RASGRP2: variants seen among roughly 807,000 people sequenced by gnomAD.
The protein encoded by RASGRP2 is RAS guanyl-releasing protein 2.
Under a neutral mutation model 71.0 loss-of-function variants are expected in RASGRP2, and 44 were observed. The ratio of observed to expected loss-of-function variants is 0.62; its 90% CI spans 0.49 to 0.80. RASGRP2 has a LOEUF of 0.80. RASGRP2 is among the 30% of genes least tolerant of loss of function. The probability of loss-of-function intolerance (pLI) is 0.00; values close to 1 mark genes in which losing one functional copy is unlikely to be tolerated. For synonymous variants in RASGRP2, 350 were observed against 330.7 expected, an observed-to-expected ratio of 1.06 and a Z score of -0.63; for missense variants, 663 against 813.4, an observed-to-expected ratio of 0.82 and a Z score of 2.25.
chr11:64,743,101 C>T lies in RASGRP2; in HGVS notation c.-71-164G>A. On this transcript the variant is annotated intron_variant, in intron 1 of 16. Transcript: ENST00000394432. The surrounding 1 kb of genome is among the most constrained non-coding windows in gnomAD (Gnocchi z 4.9). ...ACGGTCTGGCCCGGGATGGTGCAACCCGCCAGTTGGGAAACGGACCCGCAG... is the reference window on the plus strand; with the variant it reads ...ACGGTCTGGCCCGGGATGGTGCAACTCGCCAGTTGGGAAACGGACCCGCAG... The T allele has an allele frequency of 1.2e-6, 1 of 806,520 alleles. No homozygotes were observed. The highest frequency in any genetic ancestry group is 2.1e-6 in the Non-Finnish European group (1 of 485,494). 50.0% of individuals were successfully genotyped at this position (806,520 alleles called of 1,614,324 possible).
At chr11:64,729,941 C>A (rs1340421590) in intron 13 of RASGRP2, 112 bp downstream of exon 13, 8 of 1,536,210 alleles carry the variant, frequency 5.2e-6, no homozygotes, top group Non-Finnish European at 7.1e-6. Context: ...AATAGAATTA[C>A]CAGGTTTTCC....
intron 14 of RASGRP2, among the ~76,000 whole-genome samples, chr11:64,729,413 T>C (rs935756708): frequency 6.6e-6 from 1 of 151,682 alleles, no homozygotes; most frequent in Non-Finnish European, 1.5e-5. Flanking sequence ...CTCGGCTCAC[T>C]GCAAACCCCG....
chr11:64,737,539 G>A (rs995382801), intron 8 of RASGRP2, among the ~76,000 whole-genome samples: 2 of 152,000 alleles, frequency 1.3e-5, no homozygotes, highest in African/African-American at 4.8e-5. Flanking sequence ...GGGTGTGGTG[G>A]TGCATGCCTG....
At chr11:64,738,795 C>CA (rs560584764) in intron 8 of RASGRP2, among the ~76,000 whole-genome samples, 113 of 151,614 alleles carry the variant, frequency 7.5e-4, no homozygotes, top group African/African-American at 2.7e-3. Flanking sequence ...CAAAATACTT[C>CA]AAAAATAATA....
rs1719726526 is a variant in RASGRP2 at position 64,742,939 on chromosome 11, TGTC to T, written c.-71-5_-71-3del. On this transcript the variant is annotated splice_region_variant and splice_polypyrimidine_tract_variant and intron_variant, in intron 1 of 16. Transcript: ENST00000394432. The surrounding 1 kb of genome is among the most constrained non-coding windows in gnomAD (Gnocchi z 4.7). Reference sequence around the variant, plus strand: ...TCCCACCGGGCTCGGACCGAACCCCTGTCCCGGGAGAGGCAGAGCGGGAGTCTG... The same window carrying T: ...TCCCACCGGGCTCGGACCGAACCCCTCCGGGAGAGGCAGAGCGGGAGTCTG... 3 of 1,532,200 alleles carry T rather than the reference TGTC, an allele frequency of 2.0e-6. No homozygotes were observed. Among genetic ancestry groups the T allele is most frequent in the Non-Finnish European group, 2.6e-6 (3 of 1,144,342 alleles). 94.9% of individuals were successfully genotyped at this position (1,532,200 alleles called of 1,614,324 possible).
intron 5 of RASGRP2, chr11:64,740,564 A>G (rs1480534327): frequency 1.5e-6 from 1 of 654,750 alleles, no homozygotes; most frequent in Non-Finnish European, 2.9e-6. Flanking sequence ...GGAACGACAA[A>G]TTCTACCCCG....
intron 12 of RASGRP2, among the ~76,000 whole-genome samples, 161 bp downstream of exon 12, chr11:64,734,951 C>G (rs948624368): frequency 6.6e-6 from 1 of 152,156 alleles, no homozygotes; most frequent in Non-Finnish European, 1.5e-5. Flanking sequence ...CAGCTGGCAG[C>G]CTCTCCTCCC....
chr11:64,730,501 G>A (rs1286000515), intron 12 of RASGRP2, among the ~76,000 whole-genome samples: 1 of 152,192 alleles, frequency 6.6e-6, no homozygotes, highest in East Asian at 1.9e-4. Flanking sequence ...CATCAGCCTC[G>A]GGCTCCCGAA....
intron 12 of RASGRP2, among the ~76,000 whole-genome samples, chr11:64,731,127 C>T (rs150690601): frequency 1.8e-3 from 270 of 152,282 alleles, no homozygotes; most frequent in African/African-American, 5.7e-3. Context: ...GAGGCCAAGG[C>T]GGGTGGATCA....
intron 14 of RASGRP2, 29 bp downstream of exon 14, chr11:64,729,733 C>T: frequency 6.2e-7 from 1 of 1,612,972 alleles, no homozygotes; most frequent in Non-Finnish European, 8.5e-7. Context: ...AAACACTGCC[C>T]AGCAGCCCTT....
chr11:64,742,834 G>A lies in RASGRP2; in HGVS notation c.33C>T (p.Cys11=). MAGTLDLDKG[C]TVEELLRGCI... ...ACCCGCGGAGCAGCTCCTCCACCGT[G>A]CAGCCCTTGTCCAGGTCCAGGGTGC... The change falls in exon 2 of 17, where the codon TGC becomes TGT. Residue 11 remains cysteine (C), a synonymous_variant. Transcript: ENST00000394432. The surrounding 1 kb of genome is among the most constrained non-coding windows in gnomAD (Gnocchi z 4.7). 1 of 1,607,080 alleles carries A rather than the reference G, an allele frequency of 6.2e-7. No individual in the cohort carries two copies. Among genetic ancestry groups the A allele is most frequent in the Non-Finnish European group, 8.5e-7 (1 of 1,178,114 alleles).
chr11:64,738,392 AGT>A (rs2058017242), intron 8 of RASGRP2, among the ~76,000 whole-genome samples: 1 of 152,108 alleles, frequency 6.6e-6, no homozygotes, highest in Non-Finnish European at 1.5e-5. Context: ...GTAGTTACAC[AGT>A]GTTTTCTTTA....
chr11:64,739,853 CCTCA>C lies in RASGRP2; in HGVS notation c.523-48_523-45del. The C allele has an allele frequency of 6.2e-7, 1 of 1,611,530 alleles. No homozygotes were observed. Among genetic ancestry groups the C allele is most frequent in the South Asian group, 1.1e-5 (1 of 91,012 alleles). On this transcript the variant is annotated intron_variant, in intron 6 of 16. Transcript: ENST00000394432. The surrounding 1 kb of genome is among the most constrained non-coding windows in gnomAD (Gnocchi z 4.2). The stretch of plus-strand genomic sequence containing the variant: ...GCCTCAGCACCTTGCTGGCCTCTCC[CCTCA>C]CTGATAGCCACTCCTCACCCTCCAG...
rs576052772 is a variant in RASGRP2, at chr11:64,741,689, G to C, written c.177-188C>G. Among the ~76,000 whole-genome samples the C allele has an allele frequency of 7.9e-5, 12 of 152,314 alleles. No individual in the cohort carries two copies. The East Asian group carries it at 2.3e-3, about 29-fold the overall frequency. Reference sequence around the variant, plus strand: ...TGGGGGTGGAGGACTAGGTGCTGAGGGAGGCTGAAAGCAAAGCCTGGGCTC... The same window carrying C: ...TGGGGGTGGAGGACTAGGTGCTGAGCGAGGCTGAAAGCAAAGCCTGGGCTC... On this transcript the variant is annotated intron_variant, in intron 3 of 16. Coordinates refer to ENST00000394432, the MANE Select transcript of RASGRP2 (RefSeq NM_001098671.2).
In RASGRP2 at chr11:64,742,459, C is replaced by G. The variant is rs1196328936; in HGVS notation, c.73+335G>C. 1 of 561,348 alleles carries G rather than the reference C, an allele frequency of 1.8e-6. No individual in the cohort carries two copies. The highest frequency in any genetic ancestry group is 3.0e-5 in the East Asian group (1 of 32,874). 34.8% of individuals were successfully genotyped at this position (561,348 alleles called of 1,614,324 possible). ...GGGCACCCCTTCACCAGATAAGCCG[C>G]CCCCCATTAGCCGGAAACAGCTCCC... is the stretch of plus-strand genomic sequence containing the variant. On this transcript the variant is annotated intron_variant, in intron 2 of 16. Coordinates refer to ENST00000394432, the MANE Select transcript of RASGRP2 (RefSeq NM_001098671.2). The surrounding 1 kb of genome is among the most constrained non-coding windows in gnomAD (Gnocchi z 4.7).
Position 64,739,943 on chromosome 11 carries a change from G to A in RASGRP2, c.522+70C>T. On this transcript the variant is annotated intron_variant, in intron 6 of 16. Coordinates refer to ENST00000394432, the MANE Select transcript of RASGRP2 (RefSeq NM_001098671.2). The surrounding 1 kb of genome is among the most constrained non-coding windows in gnomAD (Gnocchi z 4.2). ...ACCCTGTGACCCAGCCTACGCCAGGGACCCTGCCCCTCCTAGAACTCTCTT... is the reference window on the plus strand; with the variant it reads ...ACCCTGTGACCCAGCCTACGCCAGGAACCCTGCCCCTCCTAGAACTCTCTT... 1 of 1,611,738 alleles carries A rather than the reference G, an allele frequency of 6.2e-7. No individual in the cohort carries two copies. The highest frequency in any genetic ancestry group is 8.5e-7 in the Non-Finnish European group (1 of 1,179,022).
In RASGRP2 at chr11:64,736,879, G is replaced by A. The variant is rs773073274; in HGVS notation, c.969C>T (p.Asp323=). The part of the protein sequence containing the change: ...ALQLALPDWL[D]PARTRLNGAK... ...CCCCGTTGAGCCGGGTCCGGGCTGG[G>A]TCCAGCCAGTCAGGCAGTGCCAGCT... Residue 323 remains aspartate (D), a synonymous_variant, in exon 9 of 17, where the codon GAC becomes GAT. Coordinates refer to ENST00000394432, the MANE Select transcript of RASGRP2 (RefSeq NM_001098671.2). 11 of 1,613,718 alleles carry A rather than the reference G, an allele frequency of 6.8e-6. No individual in the cohort carries two copies. Among genetic ancestry groups the A allele is most frequent in the Non-Finnish European group, 8.5e-6 (10 of 1,180,044 alleles).
chr11:64,728,825 T>C (rs777714547), intron 15 of RASGRP2, 38 bp downstream of exon 15: 18 of 1,546,088 alleles, frequency 1.2e-5, no homozygotes, highest in Non-Finnish European at 1.5e-5. Context: ...CCCTGCATCC[T>C]TCCCTCCACA....
At chr11:64,744,676 G>A (rs1388622080), upstream of RASGRP2, 45 of 142,314 alleles carry the variant, frequency 3.2e-4, no homozygotes, top group South Asian at 2.5e-3. Context: ...CGCCCTGGGC[G>A]GGGGGGGAGT....
Sources: allele counts gnomAD v4.1 joint callset (sites outside exome capture counted in the v4.1 genomes callset), GRCh38; gene constraint gnomAD v4.1.1; non-coding constraint Gnocchi (gnomAD v3.1); transcripts MANE v1.5; gene names NCBI Gene and HGNC (gene_info 2026-07-23, HGNC 2026-07-21).